CPEB3: variants seen among roughly 807,000 people sequenced by gnomAD.
The protein encoded by CPEB3 is cytoplasmic polyadenylation element binding protein 3.
CPEB3 carries 20 observed loss-of-function variants against 67.2 expected under a neutral mutation model. That is an observed-to-expected ratio of 0.30 (90% confidence interval 0.21 to 0.43). The LOEUF (loss-of-function observed/expected upper bound fraction) is 0.43. Ranked by LOEUF, CPEB3 falls within the 20% of genes least tolerant of loss-of-function variation. The pLI, the probability that CPEB3 is intolerant of heterozygous loss-of-function variation, is 1.00. For synonymous variants in CPEB3, 376 were observed against 393.1 expected, an observed-to-expected ratio of 0.96 and a Z score of 0.51; for missense variants, 746 against 968.6, an observed-to-expected ratio of 0.77 and a Z score of 3.05.
chr10:92,174,249 G>A (rs1366854219), intron 4 of CPEB3, among the ~76,000 whole-genome samples: 3 of 152,218 alleles, frequency 2.0e-5, no homozygotes, highest in South Asian at 4.1e-4. Flanking sequence ...GGATAAAAGG[G>A]AGGGGGAAGA....
chr10:92,130,622 A>G (rs1056406866), intron 6 of CPEB3, among the ~76,000 whole-genome samples: 6 of 149,680 alleles, frequency 4.0e-5, no homozygotes, highest in African/African-American at 9.8e-5. Context: ...CAGTCCATGT[A>G]TCTGGCCACC....
At chr10:92,113,931 T>C (rs1272778611) in intron 6 of CPEB3, among the ~76,000 whole-genome samples, 1 of 152,228 alleles carries the variant, frequency 6.6e-6, no homozygotes, top group Non-Finnish European at 1.5e-5. Context: ...CAATTTCTCC[T>C]TTCCCAGGAA....
intron 6 of CPEB3, among the ~76,000 whole-genome samples, chr10:92,117,360 C>T (rs1490136530): frequency 2.3e-5 from 3 of 127,808 alleles, no homozygotes; most frequent in Admixed American, 8.9e-5. Context: ...GAAGGAGTCT[C>T]GCTCTGTTGC....
At chr10:92,122,504 C>T (rs1344263277) in intron 6 of CPEB3, among the ~76,000 whole-genome samples, 1 of 151,698 alleles carries the variant, frequency 6.6e-6, no homozygotes, top group African/African-American at 2.4e-5. Context: ...ACCTGATCTC[C>T]AAGATTTACT....
At chr10:92,120,142 G>T (rs1845284204) in intron 6 of CPEB3, among the ~76,000 whole-genome samples, 1 of 129,616 alleles carries the variant, frequency 7.7e-6, no homozygotes, top group Admixed American at 8.0e-5. Flanking sequence ...CGGGTGCGGT[G>T]GCTCACACCT....
intron 9 of CPEB3, among the ~76,000 whole-genome samples, chr10:92,053,426 C>A (rs566337714): frequency 6.6e-6 from 1 of 151,866 alleles, no homozygotes; most frequent in Admixed American, 6.6e-5. Flanking sequence ...TGCAGTGGTG[C>A]GATCTCGGCT....
intron 1 of CPEB3, among the ~76,000 whole-genome samples, chr10:92,283,722 CTTTTT>C (rs869248048): frequency 0.011 from 1,166 of 108,912 alleles, 14 homozygotes; most frequent in African/African-American, 0.034. Context: ...CTTTTTCTTT[CTTTTT>C]TTTTTTTTTT....
At chr10:92,076,767 GAAGAAGAAGGAGGA>G (rs1842949712) in intron 9 of CPEB3, among the ~76,000 whole-genome samples, 1 of 73,352 alleles carries the variant, frequency 1.4e-5, no homozygotes. Flanking sequence ...GTAGAAGAAG[GAAGAAGAAGGAGGA>G]AGGAAGAAAA....
chr10:92,068,311 T>A (rs555092561), intron 9 of CPEB3, among the ~76,000 whole-genome samples: 2 of 152,312 alleles, frequency 1.3e-5, no homozygotes, highest in East Asian at 3.9e-4. Context: ...AACCAAGTGC[T>A]AGTGTCATAT....
chr10:92,073,139 G>A (rs2133148894), intron 9 of CPEB3, among the ~76,000 whole-genome samples: 1 of 147,380 alleles, frequency 6.8e-6, no homozygotes, highest in East Asian at 2.1e-4. Context: ...CTGGGCTCAA[G>A]GAATCCTCCC....
chr10:92,235,467 C>T (rs765300550), intron 2 of CPEB3, among the ~76,000 whole-genome samples: 1 of 151,918 alleles, frequency 6.6e-6, no homozygotes, highest in Non-Finnish European at 1.5e-5. Flanking sequence ...ATCAGTAATC[C>T]GTATTATGAC....
intron 6 of CPEB3, among the ~76,000 whole-genome samples, chr10:92,140,419 C>T (rs1300174823): frequency 8.5e-5 from 13 of 152,106 alleles, no homozygotes; most frequent in Admixed American, 2.6e-4. Context: ...GGAAAACTGG[C>T]TAGCCATATG....
chr10:92,212,547 C>T (rs1187176597), intron 2 of CPEB3, among the ~76,000 whole-genome samples: 1 of 152,084 alleles, frequency 6.6e-6, no homozygotes, highest in East Asian at 1.9e-4. Context: ...CTTTGCCCAG[C>T]CTAAAACAAT....
At chr10:92,100,199 T>C (rs893702351) in intron 7 of CPEB3, among the ~76,000 whole-genome samples, 2 of 152,164 alleles carry the variant, frequency 1.3e-5, no homozygotes, top group Non-Finnish European at 2.9e-5. Flanking sequence ...TTTTTGTTTT[T>C]GTTTTCCCCC....
chr10:92,187,247 GAA>G (rs2134134006), intron 3 of CPEB3, among the ~76,000 whole-genome samples: 1 of 152,228 alleles, frequency 6.6e-6, no homozygotes, highest in South Asian at 2.1e-4. Context: ...CACTATTACT[GAA>G]AGATAAGCTA....
At chr10:92,157,280 T>C (rs531270837) in intron 4 of CPEB3, among the ~76,000 whole-genome samples, 8 of 152,326 alleles carry the variant, frequency 5.3e-5, no homozygotes, top group South Asian at 2.1e-4. Flanking sequence ...CAGATGAGCA[T>C]ACCAAATCTA....
intron 6 of CPEB3, among the ~76,000 whole-genome samples, chr10:92,136,344 A>C (rs1331479278): frequency 6.6e-6 from 1 of 152,176 alleles, no homozygotes; most frequent in Non-Finnish European, 1.5e-5. Context: ...AAATGGGATC[A>C]CATCAAGTTA....
intron 2 of CPEB3, among the ~76,000 whole-genome samples, chr10:92,233,493 T>G (rs1851372397): frequency 7.0e-6 from 1 of 142,146 alleles, no homozygotes; most frequent in African/African-American, 2.7e-5. Flanking sequence ...GCCAAGATCA[T>G]GCCACTGCAC....
intron 1 of CPEB3, among the ~76,000 whole-genome samples, chr10:92,271,966 ATTTATT>A (rs1266244225): frequency 6.6e-6 from 1 of 152,124 alleles, no homozygotes; most frequent in Non-Finnish European, 1.5e-5. Context: ...TAATTTATTC[ATTTATT>A]TTTATCAGTA....
Sources: gnomAD v4.1 joint callset for allele counts (sites outside exome capture counted in the v4.1 genomes callset) on GRCh38, gnomAD v4.1.1 for gene constraint, MANE v1.5 for transcripts, NCBI Gene and HGNC (gene_info 2026-07-23, HGNC 2026-07-21) for gene names.